The following COPS4 variants were observed in gnomAD, a reference collection of about 807,000 sequenced individuals.
COPS4 encodes the protein COP9 signalosome subunit 4.
A neutral mutation model predicts 55.1 loss-of-function variants in COPS4; 8 were observed. The ratio of observed to expected loss-of-function variants is 0.15; its 90% CI spans 0.09 to 0.26. COPS4 has a LOEUF of 0.26. Ranked by LOEUF, COPS4 falls within the 10% of genes least tolerant of loss-of-function variation. The probability of loss-of-function intolerance (pLI) is 1.00; values close to 1 mark genes in which losing one functional copy is unlikely to be tolerated. For missense variants in COPS4, 248 were observed against 484.0 expected (o/e 0.51, Z 4.58); for synonymous variants, 185 against 165.7 (o/e 1.12, Z -0.90).
Position 83,035,295 on chromosome 4 carries a change from G to A in COPS4, c.71G>A (p.Gly24Asp). 6.4e-7 allele frequency: 1 copy of A among 1,557,392 alleles called. No individual in the cohort carries two copies. The change falls in exon 1 of 10, where the codon GGC becomes GAC. Residue 24 changes from glycine (G) to aspartate (D), a missense_variant. By Grantham distance (94) the Gly-to-Asp change is moderately conservative. Transcript: ENST00000264389. ...NSSGSHKDLAGKYRQILEKAI... is the reference protein window; with the variant it reads ...NSSGSHKDLADKYRQILEKAI... ...AGCGGCTCTCATAAAGATCTGGCTG[G>A]CAAGTGAGTATTTCCCAGGAACGCG...
At chr4:83,059,480 G>T (rs1347932141) in intron 6 of COPS4, among the ~76,000 whole-genome samples, 1 of 151,724 alleles carries the variant, frequency 6.6e-6, no homozygotes, top group Non-Finnish European at 1.5e-5. Flanking sequence ...CTGATTATTA[G>T]AAATTAAATG....
chr4:83,055,999 G>A (rs1731003846), intron 4 of COPS4, among the ~76,000 whole-genome samples: 1 of 149,470 alleles, frequency 6.7e-6, no homozygotes, highest in African/African-American at 2.5e-5. Context: ...CACGATCTTG[G>A]CTCACTGCAA....
chr4:83,059,642 T>A (rs1453161664), intron 6 of COPS4, among the ~76,000 whole-genome samples: 1 of 152,180 alleles, frequency 6.6e-6, no homozygotes, highest in African/African-American at 2.4e-5. Context: ...GTTTAAAATT[T>A]TTTTTCAATA....
intron 9 of COPS4, among the ~76,000 whole-genome samples, chr4:83,070,211 A>G (rs1397654712): frequency 6.6e-6 from 1 of 152,198 alleles, no homozygotes; most frequent in Non-Finnish European, 1.5e-5. Flanking sequence ...TTTAAATACT[A>G]GTTACTTAGG....
chr4:83,073,527 A>AG (rs1016111796), intron 9 of COPS4, among the ~76,000 whole-genome samples: 5 of 152,264 alleles, frequency 3.3e-5, no homozygotes, highest in East Asian at 3.9e-4. Flanking sequence ...AGAAAAAAAA[A>AG]GGGGGATTGT....
At chr4:83,074,658 T>C (rs2126136012) in intron 9 of COPS4, among the ~76,000 whole-genome samples, 1 of 151,462 alleles carries the variant, frequency 6.6e-6, no homozygotes, top group African/African-American at 2.4e-5. Flanking sequence ...TCTTTTTTTT[T>C]TTTTAATTCT....
At chr4:83,065,625 C>A (rs1731275471) in intron 7 of COPS4, among the ~76,000 whole-genome samples, 1 of 152,154 alleles carries the variant, frequency 6.6e-6, no homozygotes. Context: ...CAAAGTAGGA[C>A]CCTGGGTCCA....
At chr4:83,040,191 C>G (rs1164385447) in intron 1 of COPS4, among the ~76,000 whole-genome samples, 1 of 152,136 alleles carries the variant, frequency 6.6e-6, no homozygotes. Flanking sequence ...TCTGGTGGTT[C>G]TTTTTTCCAA....
Position 83,075,508 on chromosome 4 carries a change from C to A in COPS4, c.*78C>A. ...AGTTTCACTATCTCCAAAGCATTTG[C>A]ATCATGACCTTATACATTTCAATCC... On this transcript the variant is annotated 3_prime_UTR_variant, in exon 10 of 10. Coordinates refer to ENST00000264389, the MANE Select transcript of COPS4 (RefSeq NM_016129.3). 6.6e-7 allele frequency: 1 copy of A among 1,512,448 alleles called. No individual in the cohort carries two copies. Among genetic ancestry groups the A allele is most frequent in the Non-Finnish European group, 9.1e-7 (1 of 1,101,340 alleles). The allele number at this position is 1,512,448 out of a possible 1,614,324, so 93.7% of individuals were successfully genotyped here.
intron 1 of COPS4, among the ~76,000 whole-genome samples, chr4:83,038,170 T>A (rs1246358820): frequency 6.6e-6 from 1 of 152,280 alleles, no homozygotes. Context: ...ATTCTGATTC[T>A]CTCTTTGTTG....
intron 7 of COPS4, among the ~76,000 whole-genome samples, chr4:83,064,270 A>C (rs1309199648): frequency 6.6e-6 from 1 of 152,156 alleles, no homozygotes; most frequent in East Asian, 1.9e-4. Flanking sequence ...CCAGGGGGTC[A>C]AGGCTACAGT....
In COPS4 at chr4:83,063,233, A is replaced by G. The variant is rs150307767; in HGVS notation, c.873A>G (p.Ala291=). ...CCATGCTGATGCCTCACCAAAAAGC[A>G]ACTACAGCTGATGGTAATGATCCTG... ...FAAMLMPHQK[A]TTADGSSILD... is the part of the protein sequence containing the mutation. Residue 291 remains alanine, a synonymous_variant, in exon 7 of 10, where the codon GCA becomes GCG. Transcript: ENST00000264389. 4 of 1,613,100 alleles carry G rather than the reference A, an allele frequency of 2.5e-6. No individual in the cohort carries two copies. In the African/African-American group the frequency reaches 5.3e-5, roughly 22 times the overall value.
chr4:83,055,243 C>T (rs2126131095), intron 4 of COPS4, among the ~76,000 whole-genome samples: 1 of 152,160 alleles, frequency 6.6e-6, no homozygotes, highest in Non-Finnish European at 1.5e-5. Context: ...TTTAGTTATG[C>T]ACTCCTGGCA....
chr4:83,045,161 A>G (rs1331707249), intron 1 of COPS4, among the ~76,000 whole-genome samples: 3 of 152,190 alleles, frequency 2.0e-5, no homozygotes, highest in South Asian at 2.1e-4. Context: ...CCCTACATAC[A>G]TTACGTCTGT....
In COPS4 at chr4:83,040,014, A is replaced by G. The variant is rs1046343949; in HGVS notation, c.74+4716A>G. Among the ~76,000 whole-genome samples, 3 of 152,186 alleles carry G rather than the reference A, an allele frequency of 2.0e-5. No individual in the cohort carries two copies. In the South Asian group the frequency reaches 6.2e-4, roughly 32 times the overall value. ...GGTGAAATCCCTGTCAGGCCCACTG[A>G]CTATAACCTCTAGGCCTCTTACTCT... On this transcript the variant is annotated intron_variant, in intron 1 of 9. Coordinates refer to ENST00000264389, the MANE Select transcript of COPS4 (RefSeq NM_016129.3).
At chr4:83,051,642 G>A (rs918873613) in intron 4 of COPS4, among the ~76,000 whole-genome samples, 1 of 152,122 alleles carries the variant, frequency 6.6e-6, no homozygotes, top group African/African-American at 2.4e-5. Context: ...GTTTCATTTT[G>A]GACATATGAT....
At chr4:83,057,919 CA>C (rs960818183) in intron 6 of COPS4, among the ~76,000 whole-genome samples, 1,688 of 54,310 alleles carry the variant, frequency 0.031, 3 homozygotes, top group African/African-American at 0.054. Context: ...GACTCTGTCT[CA>C]AAAAAAAAAA....
chr4:83,052,964 G>A (rs549490579), intron 4 of COPS4, among the ~76,000 whole-genome samples: 1 of 152,322 alleles, frequency 6.6e-6, no homozygotes, highest in South Asian at 2.1e-4. Context: ...GTGAGGTTGA[G>A]GAGAGACAAT....
chr4:83,060,641 T>C (rs572331780), intron 6 of COPS4, among the ~76,000 whole-genome samples: 1 of 151,926 alleles, frequency 6.6e-6, no homozygotes, highest in South Asian at 2.1e-4. Flanking sequence ...TTAGTTGCAA[T>C]GTGGAATCTG....
Sources: gnomAD v4.1 joint callset for allele counts (sites outside exome capture counted in the v4.1 genomes callset) on GRCh38, gnomAD v4.1.1 for gene constraint, MANE v1.5 for transcripts, NCBI Gene and HGNC (gene_info 2026-07-23, HGNC 2026-07-21) for gene names.